The following LRP1B variants were observed in gnomAD, a reference collection of about 807,000 sequenced individuals.
LRP1B encodes the protein LDL receptor related protein 1B.
A neutral mutation model predicts 556.6 loss-of-function variants in LRP1B; 217 were observed. The ratio of observed to expected loss-of-function variants is 0.39; its 90% confidence interval spans 0.35 to 0.44. LRP1B has a LOEUF of 0.44. LRP1B is among the 20% of genes least tolerant of loss of function. The pLI is 1.00. For synonymous variants in LRP1B, 2,047 were observed against 1,865.8 expected (o/e 1.10, Z -2.50); for missense variants, 5,053 against 5,620.8 (o/e 0.90, Z 3.23).
chr2:141,212,248 GATTTTTTTTTTTTTTT>G (rs1558936364), intron 6 of LRP1B, among the ~76,000 whole-genome samples: 10 of 48,658 alleles, frequency 2.1e-4, no homozygotes, highest in African/African-American at 7.0e-4. Context: ...AAAAAGTCTA[GATTTTTTTTTTTTTTT>G]TTTTTTTTTT....
intron 2 of LRP1B, among the ~76,000 whole-genome samples, chr2:141,732,442 G>A (rs1693309751): frequency 3.3e-5 from 5 of 151,992 alleles, no homozygotes; most frequent in Admixed American, 2.0e-4. Context: ...AAATTACGGT[G>A]GACAAATTTT....
chr2:141,008,256 C>A (rs1697637388), intron 14 of LRP1B, among the ~76,000 whole-genome samples: 1 of 151,328 alleles, frequency 6.6e-6, no homozygotes. Flanking sequence ...AGTTACTTTA[C>A]ATATACATTA....
At chr2:141,449,204 C>T (rs1305122776) in intron 3 of LRP1B, among the ~76,000 whole-genome samples, 3 of 152,192 alleles carry the variant, frequency 2.0e-5, no homozygotes, top group East Asian at 3.8e-4. Flanking sequence ...CTAATCTGCG[C>T]TATAAATCCT....
chr2:140,302,724 C>T (rs1683887073), intron 83 of LRP1B, among the ~76,000 whole-genome samples: 1 of 151,980 alleles, frequency 6.6e-6, no homozygotes, highest in African/African-American at 2.4e-5. Flanking sequence ...AATTCTCTTT[C>T]TTGATCTGGG....
At chr2:140,325,690 ACT>A (rs1045431207) in intron 80 of LRP1B, 70 bp downstream of exon 80, 1 of 988,308 alleles carries the variant, frequency 1.0e-6, no homozygotes, top group African/African-American at 1.6e-5. Flanking sequence ...AAGTATCCAT[ACT>A]TACATTTTTG....
At chr2:141,221,310 C>A (rs568332338) in intron 6 of LRP1B, among the ~76,000 whole-genome samples, 58 of 133,526 alleles carry the variant, frequency 4.3e-4, no homozygotes, top group Non-Finnish European at 6.6e-4. Context: ...AAAAAAAAAC[C>A]AAAGGGCATT....
chr2:140,545,773 C>CT (rs201203685), intron 43 of LRP1B, among the ~76,000 whole-genome samples: 10 of 151,650 alleles, frequency 6.6e-5, no homozygotes, highest in Non-Finnish European at 1.5e-4. Flanking sequence ...ATTTTAAAAC[C>CT]TTTTTTTTCT....
At chr2:142,125,614 A>G (rs1164233763) in intron 1 of LRP1B, among the ~76,000 whole-genome samples, 2 of 151,924 alleles carry the variant, frequency 1.3e-5, no homozygotes, top group Middle Eastern at 3.4e-3. Flanking sequence ...CTCCATCCAA[A>G]ATAAAATAAC....
chr2:140,469,752 T>G (rs977978188), intron 60 of LRP1B, among the ~76,000 whole-genome samples: 1 of 152,206 alleles, frequency 6.6e-6, no homozygotes, highest in African/African-American at 2.4e-5. Flanking sequence ...GGTTTCAATC[T>G]TCAATTGTCT....
intron 2 of LRP1B, among the ~76,000 whole-genome samples, chr2:141,662,344 T>C (rs754680508): frequency 2.0e-5 from 3 of 152,126 alleles, no homozygotes; most frequent in Non-Finnish European, 4.4e-5. Flanking sequence ...TAACCTTAAA[T>C]GTAAATGGGC....
Position 141,134,625 on chromosome 2 carries a change from G to A in LRP1B, c.1013+53796C>T, listed in dbSNP as rs796242227. ...TGAATTCATTAAATGGAAAAAAAAAGTTTCTAAATAAAGTACATAGTACAT... is the reference window on the plus strand; with the variant it reads ...TGAATTCATTAAATGGAAAAAAAAAATTTCTAAATAAAGTACATAGTACAT... On this transcript the variant is annotated intron_variant, in intron 7 of 90. Coordinates refer to ENST00000389484, the MANE Select transcript of LRP1B (RefSeq NM_018557.3). Among the ~76,000 whole-genome samples, 9 of 150,976 alleles carry A rather than the reference G, an allele frequency of 6.0e-5. 1 individual carries two copies. The highest frequency in any genetic ancestry group is 2.2e-4 in the African/African-American group (9 of 41,264).
chr2:140,645,361 C>T (rs1473524266), intron 41 of LRP1B, among the ~76,000 whole-genome samples: 4 of 151,860 alleles, frequency 2.6e-5, no homozygotes, highest in Admixed American at 2.6e-4. Flanking sequence ...ATATAATGAG[C>T]TTTCCACTTG....
At chr2:141,751,654 T>C (rs748071117) in intron 2 of LRP1B, among the ~76,000 whole-genome samples, 2 of 151,952 alleles carry the variant, frequency 1.3e-5, no homozygotes, top group African/African-American at 4.8e-5. Flanking sequence ...AGCATTTTCA[T>C]GGTCAATTAC....
chr2:141,592,598 C>G (rs111936861), intron 2 of LRP1B, among the ~76,000 whole-genome samples: 1 of 152,166 alleles, frequency 6.6e-6, no homozygotes, highest in East Asian at 1.9e-4. Context: ...AAATGATCAC[C>G]GGACACAGAA....
chr2:141,104,423 G>A (rs767980640), intron 7 of LRP1B, among the ~76,000 whole-genome samples: 10 of 152,056 alleles, frequency 6.6e-5, no homozygotes, highest in Admixed American at 1.3e-4. Flanking sequence ...GTGACTGGTG[G>A]AACTATCAGT....
At chr2:140,489,283 T>C (rs541302809) in intron 57 of LRP1B, among the ~76,000 whole-genome samples, 1 of 152,022 alleles carries the variant, frequency 6.6e-6, no homozygotes, top group Admixed American at 6.6e-5. Flanking sequence ...TAACCTAACC[T>C]CACAAAAATC....
At chr2:141,315,127 C>A (rs1686974399) in intron 3 of LRP1B, among the ~76,000 whole-genome samples, 1 of 150,136 alleles carries the variant, frequency 6.7e-6, no homozygotes, top group Non-Finnish European at 1.5e-5. Flanking sequence ...CAAATCTAGT[C>A]TTAACTGTGA....
chr2:141,935,129 A>G (rs1049460592), intron 1 of LRP1B, among the ~76,000 whole-genome samples: 10 of 152,222 alleles, frequency 6.6e-5, no homozygotes, highest in Non-Finnish European at 1.2e-4. Context: ...ACAGAATTAT[A>G]TCTTCAGAGT....
At chr2:142,070,220 A>G (rs1705259969) in intron 1 of LRP1B, among the ~76,000 whole-genome samples, 1 of 151,754 alleles carries the variant, frequency 6.6e-6, no homozygotes, top group Non-Finnish European at 1.5e-5. Context: ...TTCTTATAAG[A>G]GAGAAGGAAA....
Sources: allele counts gnomAD v4.1 joint callset (sites outside exome capture counted in the v4.1 genomes callset), GRCh38; gene constraint gnomAD v4.1.1; transcripts MANE v1.5; gene names NCBI Gene and HGNC (gene_info 2026-07-23, HGNC 2026-07-21).